The following CLDN16 variants were observed in gnomAD, a reference collection of about 807,000 sequenced individuals.
The protein encoded by CLDN16 is claudin-16.
Under a neutral mutation model 24.6 loss-of-function variants are expected in CLDN16, and 13 were observed. The ratio of observed to expected loss-of-function variants is 0.53; its 90% CI spans 0.34 to 0.84. The LOEUF (loss-of-function observed/expected upper bound fraction) is 0.84, where lower values mean the gene tolerates loss of function less well. CLDN16 is among the 40% of genes least tolerant of loss of function. The pLI is 0.01. For missense variants in CLDN16, 298 were observed against 292.7 expected (o/e 1.02, Z -0.13); for synonymous variants, 116 against 106.7 (o/e 1.09, Z -0.54).
chr3:190,310,762 G>A, the CLDN16 span, among the ~76,000 whole-genome samples: 5 of 152,126 alleles, frequency 3.3e-5, no homozygotes, highest in African/African-American at 7.2e-5. Context: ...CAGAATACCT[G>A]CATTACTACT....
intron 1 of CLDN16, among the ~76,000 whole-genome samples, chr3:190,332,774 A>ATTTT (rs5855323): frequency 6.8e-6 from 1 of 147,872 alleles, no homozygotes. Context: ...GCAGAGCATG[A>ATTTT]TTTTTTTTTT....
chr3:190,385,650 C>T (rs956763165), upstream of CLDN16, among the ~76,000 whole-genome samples: 1 of 151,828 alleles, frequency 6.6e-6, no homozygotes, highest in African/African-American at 2.4e-5. Context: ...AATGCATATG[C>T]TTAGCATTTT....
chr3:190,363,938 A>G (rs969444401), intron 1 of CLDN16, among the ~76,000 whole-genome samples: 2 of 151,882 alleles, frequency 1.3e-5, no homozygotes, highest in Non-Finnish European at 1.5e-5. Context: ...TATTTCTCTT[A>G]AAAACAAAAG....
intron 3 of CLDN16, among the ~76,000 whole-genome samples, chr3:190,377,117 T>G (rs1477156501): frequency 6.6e-6 from 1 of 151,912 alleles, no homozygotes; most frequent in Non-Finnish European, 1.5e-5. Flanking sequence ...AGGAACTGTA[T>G]GCATTTCAGA....
intron 1 of CLDN16, among the ~76,000 whole-genome samples, chr3:190,354,872 C>A (rs890325935): frequency 6.6e-6 from 1 of 152,012 alleles, no homozygotes; most frequent in Admixed American, 6.6e-5. Flanking sequence ...GAAACCTCTG[C>A]TTTTTTATGT....
chr3:190,384,389 T>G (rs893536734), upstream of CLDN16, among the ~76,000 whole-genome samples: 2 of 152,204 alleles, frequency 1.3e-5, no homozygotes, highest in Non-Finnish European at 2.9e-5. Context: ...AATGCAAGGC[T>G]GCTTCCACCT....
At chr3:190,403,497 A>G (rs534013776) in intron 2 of CLDN16, among the ~76,000 whole-genome samples, 1 of 152,314 alleles carries the variant, frequency 6.6e-6, no homozygotes, top group South Asian at 2.1e-4. Flanking sequence ...CTGCTAAGAA[A>G]CATCTGTTCT....
rs75156144 is a variant in CLDN16 at position 190,393,436 on chromosome 3, C to T, written c.114+4993C>T. 4.7e-3 allele frequency among the ~76,000 whole-genome samples: 712 copies of T among 152,234 alleles called. 5 individuals carry two copies. The highest frequency in any genetic ancestry group is 0.017 in the African/African-American group (692 of 41,554). On this transcript the variant is annotated intron_variant, in intron 1 of 4. Transcript: ENST00000264734. ...TGAATTTAGACAGACTCTTAAATAGCTATAAACCACATTTCCTATTCAGTA... is the reference window on the plus strand; with the variant it reads ...TGAATTTAGACAGACTCTTAAATAGTTATAAACCACATTTCCTATTCAGTA...
At chr3:190,355,070 TAACACACAAA>T (rs1452526875) in intron 1 of CLDN16, among the ~76,000 whole-genome samples, 3 of 152,006 alleles carry the variant, frequency 2.0e-5, no homozygotes, top group African/African-American at 7.2e-5. Flanking sequence ...AAAAAATGTC[TAACACACAAA>T]AAGCATTTCA....
intron 3 of CLDN16, among the ~76,000 whole-genome samples, chr3:190,382,523 A>T (rs532109927): frequency 1.3e-5 from 2 of 152,238 alleles, no homozygotes; most frequent in East Asian, 3.9e-4. Flanking sequence ...TGATTCATGA[A>T]TTTTGTAGGT....
At chr3:190,314,551 T>C in the CLDN16 span, among the ~76,000 whole-genome samples, 531 of 143,776 alleles carry the variant, frequency 3.7e-3, 4 homozygotes, top group African/African-American at 0.014. Context: ...CGAACCACCA[T>C]GCCTGGCTAA....
intron 3 of CLDN16, among the ~76,000 whole-genome samples, chr3:190,380,269 C>CCTTCCTTCCTTT (rs1718342807): frequency 4.7e-5 from 4 of 84,774 alleles, no homozygotes; most frequent in Admixed American, 1.5e-4. Flanking sequence ...TTCCTTCCTT[C>CCTTCCTTCCTTT]CTTCTGTTTT....
intron 3 of CLDN16, among the ~76,000 whole-genome samples, chr3:190,375,481 G>A (rs914669403): frequency 1.3e-5 from 2 of 151,936 alleles, no homozygotes; most frequent in Non-Finnish European, 2.9e-5. Context: ...GGTCATGCAG[G>A]AAGAAACCAA....
chr3:190,361,958 T>G (rs1157209006), intron 1 of CLDN16, among the ~76,000 whole-genome samples: 2 of 144,326 alleles, frequency 1.4e-5, no homozygotes, highest in East Asian at 4.3e-4. Context: ...AAGATAAGGG[T>G]GGGGGCTACC....
chr3:190,395,942 A>T (rs1037862598), intron 1 of CLDN16, among the ~76,000 whole-genome samples: 4 of 152,124 alleles, frequency 2.6e-5, no homozygotes, highest in Non-Finnish European at 4.4e-5. Context: ...TTCCTATGTT[A>T]CTAGAGAAGA....
chr3:190,307,238 C>T, the CLDN16 span: 1 of 152,378 alleles, frequency 6.6e-6, no homozygotes, highest in African/African-American at 2.4e-5. Context: ...GCACTTTGTT[C>T]AGACAAACAG....
chr3:190,323,809 C>T lies in CLDN16; in HGVS notation n.121+1148C>T, dbSNP rs548532994. ...TAGGCTTAAAACTAAAGGACTTGGC[C>T]GTGCTAGGATTTAGGGACAAGCAAT... is the stretch of plus-strand genomic sequence containing the variant. On this transcript the variant is annotated intron_variant and non_coding_transcript_variant, in intron 1 of 4. Transcript: ENST00000468220. Among the ~76,000 whole-genome samples, 9 of 152,208 alleles carry T rather than the reference C, an allele frequency of 5.9e-5. 1 individual carries two copies. The South Asian group carries it at 1.5e-3, about 25-fold the overall frequency.
At chr3:190,405,151 C>T (rs147944406) in intron 3 of CLDN16, among the ~76,000 whole-genome samples, 9 of 152,148 alleles carry the variant, frequency 5.9e-5, no homozygotes, top group East Asian at 1.9e-4. Flanking sequence ...GCTCTCAGGC[C>T]GGGTGTGGTG....
chr3:190,333,890 G>A (rs1052897295), intron 1 of CLDN16, among the ~76,000 whole-genome samples: 3 of 152,098 alleles, frequency 2.0e-5, no homozygotes, highest in African/African-American at 7.2e-5. Context: ...GTAACATGCA[G>A]CTGACAGAAA....
Sources: gnomAD v4.1 joint callset for allele counts (sites outside exome capture counted in the v4.1 genomes callset) on GRCh38, gnomAD v4.1.1 for gene constraint, MANE v1.5 for transcripts, NCBI Gene and HGNC (gene_info 2026-07-23, HGNC 2026-07-21) for gene names.